The following AGAP1 variants were observed in gnomAD, a reference collection of about 807,000 sequenced individuals.
AGAP1 encodes ArfGAP with GTPase domain, ankyrin repeat and PH domain 1.
Under a neutral mutation model 105.3 loss-of-function variants are expected in AGAP1, and 29 were observed. The observed-to-expected ratio is 0.28, with a 90% CI of 0.21 to 0.38. The LOEUF is 0.38. Ranked by LOEUF, AGAP1 falls within the 10% of genes least tolerant of loss-of-function variation. The pLI is 1.00. For missense variants in AGAP1, 998 were observed against 1,165.1 expected, an observed-to-expected ratio of 0.86 and a Z score of 2.09; for synonymous variants, 509 against 485.9, an observed-to-expected ratio of 1.05 and a Z score of -0.63.
intron 16 of AGAP1, among the ~76,000 whole-genome samples, chr2:236,064,406 C>G (rs1377302953): frequency 6.6e-6 from 1 of 151,942 alleles, no homozygotes; most frequent in Admixed American, 6.6e-5. Context: ...GCCTGGCCAA[C>G]ATGTTGAAAT....
rs2058690108 is a variant in AGAP1 at position 236,078,103 on chromosome 2, G to T, written c.2114+28822G>T. Among the ~76,000 whole-genome samples the T allele has an allele frequency of 6.7e-6, 1 of 148,684 alleles. No individual in the cohort carries two copies. Among genetic ancestry groups the T allele is most frequent in the Non-Finnish European group, 1.5e-5 (1 of 67,146 alleles). On this transcript the variant is annotated intron_variant, in intron 16 of 17. Coordinates refer to ENST00000304032, the MANE Select transcript of AGAP1 (RefSeq NM_001037131.3). This position sits in a 1 kb window ranked among gnomAD's most constrained non-coding sequence, Gnocchi z 5.3. Reference sequence around the variant, plus strand: ...CTGAAGTGTGTAGGGCAGGCCAGCTGGTGTGTGTGTGCATGTGTGTAATCT... The same window carrying T: ...CTGAAGTGTGTAGGGCAGGCCAGCTTGTGTGTGTGTGCATGTGTGTAATCT...
At chr2:235,694,662 AAAG>A (rs1417451467) in intron 1 of AGAP1, among the ~76,000 whole-genome samples, 6 of 151,956 alleles carry the variant, frequency 3.9e-5, no homozygotes, top group Non-Finnish European at 8.8e-5. Flanking sequence ...AGAAAAAAAA[AAAG>A]AAAAAAAGGA....
At chr2:236,099,325 A>G (rs375524116) in intron 16 of AGAP1, among the ~76,000 whole-genome samples, 121 of 151,808 alleles carry the variant, frequency 8.0e-4, no homozygotes, top group South Asian at 4.4e-3. Context: ...CGTGGTGGCG[A>G]GCGCCTGTAG....
At chr2:235,538,705 T>C (rs1335662977) in intron 1 of AGAP1, among the ~76,000 whole-genome samples, 1 of 152,072 alleles carries the variant, frequency 6.6e-6, no homozygotes, top group Non-Finnish European at 1.5e-5. Flanking sequence ...CCCGTTCCCA[T>C]CTCCGCATCA....
chr2:235,879,696 G>T lies in AGAP1; in HGVS notation c.1051-3649G>T, dbSNP rs1217122543. Among the ~76,000 whole-genome samples the T allele has an allele frequency of 6.6e-6, 1 of 152,130 alleles. No individual in the cohort carries two copies. Among genetic ancestry groups the T allele is most frequent in the African/African-American group, 2.4e-5 (1 of 41,422 alleles). ...TACCCCAGCACTTCTGGGAAGCCAT[G>T]GTGGGAGGATTGCTTGAGCCCAGGA... On this transcript the variant is annotated intron_variant, in intron 9 of 17. Transcript: ENST00000304032. This position sits in a 1 kb window ranked among gnomAD's most constrained non-coding sequence, Gnocchi z 5.0.
Position 235,934,940 on chromosome 2 carries a change from A to G in AGAP1, c.1483+4017A>G, listed in dbSNP as rs1013422067. 2.0e-5 allele frequency among the ~76,000 whole-genome samples: 3 copies of G among 152,046 alleles called. No individual in the cohort carries two copies. Among genetic ancestry groups the G allele is most frequent in the African/African-American group, 7.2e-5 (3 of 41,396 alleles). ...GACTTTGGCTCTGGAGAACTTTTCA[A>G]AGTCTCCTCTCTAGACACACCGGTC... On this transcript the variant is annotated intron_variant, in intron 12 of 17. Transcript: ENST00000304032. This position sits in a 1 kb window ranked among gnomAD's most constrained non-coding sequence, Gnocchi z 4.9.
At position 235,741,163 on chromosome 2, in the gene AGAP1, T is replaced by A. The variant is rs992011597; in HGVS notation, c.396+115T>A. 1 of 791,084 alleles carries A rather than the reference T, an allele frequency of 1.3e-6. No individual in the cohort carries two copies. The highest frequency in any genetic ancestry group is 1.8e-6 in the Non-Finnish European group (1 of 540,826). 49.0% of individuals were successfully genotyped at this position (791,084 alleles called of 1,614,324 possible). A position where few individuals can be genotyped will look rare whatever the true frequency, so the allele number is the denominator to read the frequency against. ...GGTTTCCAAAAAAGTGGAAACCCCA[T>A]AAAAAATGTTTCCTCTCACTGCATT... On this transcript the variant is annotated intron_variant, in intron 4 of 17. Transcript: ENST00000304032. This position sits in a 1 kb window ranked among gnomAD's most constrained non-coding sequence, Gnocchi z 4.9.
At chr2:235,952,750 G>A (rs1283713189) in intron 12 of AGAP1, among the ~76,000 whole-genome samples, 1 of 152,178 alleles carries the variant, frequency 6.6e-6, no homozygotes, top group African/African-American at 2.4e-5. Flanking sequence ...GACTTCGAGT[G>A]TGCCATCAAG....
chr2:235,974,763 C>G lies in AGAP1; in HGVS notation c.1645+6140C>G, dbSNP rs571930405. On this transcript the variant is annotated intron_variant, in intron 13 of 17. Transcript: ENST00000304032. Reference sequence around the variant, plus strand: ...TCACCCAGGACTTAGTTTCCCTTCACTCTTTCAAAGGAGAACCTGAAATTG... The same window carrying G: ...TCACCCAGGACTTAGTTTCCCTTCAGTCTTTCAAAGGAGAACCTGAAATTG... Among the ~76,000 whole-genome samples the G allele has an allele frequency of 8.5e-5, 13 of 152,322 alleles. No individual in the cohort carries two copies. In the East Asian group the frequency reaches 2.1e-3, roughly 25 times the overall value.
At position 235,625,510 on chromosome 2, in the gene AGAP1, G is replaced by A. The variant is rs1946610444; in HGVS notation, c.164-83669G>A. 6.6e-6 allele frequency among the ~76,000 whole-genome samples: 1 copy of A among 152,220 alleles called. No individual in the cohort carries two copies. The highest frequency in any genetic ancestry group is 1.5e-5 in the Non-Finnish European group (1 of 68,048). On this transcript the variant is annotated intron_variant, in intron 1 of 17. Coordinates refer to ENST00000304032, the MANE Select transcript of AGAP1 (RefSeq NM_001037131.3). The surrounding 1 kb of genome is among the most constrained non-coding windows in gnomAD (Gnocchi z 4.0). ...TGAAAGAGAAAACCATGCTTTGCAT[G>A]TGTCTTTTTACCAACCCAATGAGAT...
chr2:236,045,989 C>T lies in AGAP1; in HGVS notation c.1892-3070C>T, dbSNP rs950022891. 1 of 471,562 alleles carries T rather than the reference C, an allele frequency of 2.1e-6. No individual in the cohort carries two copies. The highest frequency in any genetic ancestry group is 2.0e-5 in the African/African-American group (1 of 50,066). 29.2% of individuals were successfully genotyped at this position (471,562 alleles called of 1,614,324 possible). ...AATGTGTCCCACGCATGAATGTCGTCCTTCAGATCTGGACCTGACAGCCTG... is the reference window on the plus strand; with the variant it reads ...AATGTGTCCCACGCATGAATGTCGTTCTTCAGATCTGGACCTGACAGCCTG... On this transcript the variant is annotated intron_variant, in intron 15 of 17. Transcript: ENST00000304032. The surrounding 1 kb of genome is among the most constrained non-coding windows in gnomAD (Gnocchi z 6.9).
chr2:235,562,393 C>G (rs1295770013), intron 1 of AGAP1, among the ~76,000 whole-genome samples: 1 of 152,080 alleles, frequency 6.6e-6, no homozygotes, highest in South Asian at 2.1e-4. Context: ...CCCCGAAGCC[C>G]CCTCCCTCTT....
At chr2:235,807,438 G>C in intron 9 of AGAP1, 107 bp downstream of exon 9, 1 of 924,646 alleles carries the variant, frequency 1.1e-6, no homozygotes, top group South Asian at 1.8e-5. Context: ...GTGCTCTGTT[G>C]ATGAATGTAG....
At chr2:235,851,834 C>T (rs556806563) in intron 9 of AGAP1, among the ~76,000 whole-genome samples, 8 of 152,170 alleles carry the variant, frequency 5.3e-5, no homozygotes, top group Non-Finnish European at 1.2e-4. Context: ...TGATGCACAC[C>T]TCGCACGTCT....
chr2:235,852,325 G>A (rs1205305814), intron 9 of AGAP1, among the ~76,000 whole-genome samples: 3 of 152,154 alleles, frequency 2.0e-5, no homozygotes, highest in African/African-American at 4.8e-5. Context: ...CTGCGTCTGC[G>A]TTTGCTTTTT....
At chr2:235,641,652 G>A (rs6707398) in intron 1 of AGAP1, among the ~76,000 whole-genome samples, 101,424 of 152,074 alleles carry the variant, frequency 0.67, 33,985 homozygotes, top group East Asian at 0.75. Context: ...CCCCACATAC[G>A]TTCAGTGGCA....
At chr2:235,923,080 G>T (rs1293457911) in intron 11 of AGAP1, among the ~76,000 whole-genome samples, 2 of 152,220 alleles carry the variant, frequency 1.3e-5, no homozygotes, top group South Asian at 2.1e-4. Flanking sequence ...GCGAGTACCA[G>T]CTGATCCGTA....
At chr2:235,944,654 C>G (rs2053408404) in intron 12 of AGAP1, among the ~76,000 whole-genome samples, 1 of 152,316 alleles carries the variant, frequency 6.6e-6, no homozygotes, top group African/African-American at 2.4e-5. Flanking sequence ...CTGAAGTCAT[C>G]TGGCTGACTG....
At chr2:235,939,597 A>C (rs2053162945) in intron 12 of AGAP1, among the ~76,000 whole-genome samples, 1 of 128,314 alleles carries the variant, frequency 7.8e-6, no homozygotes, top group African/African-American at 3.1e-5. Context: ...GCTACCACCC[A>C]CATTCTCTTC....
Sources: gnomAD v4.1 joint callset for allele counts (sites outside exome capture counted in the v4.1 genomes callset) on GRCh38, gnomAD v4.1.1 for gene constraint, Gnocchi (gnomAD v3.1) non-coding constraint, MANE v1.5 for transcripts, NCBI Gene and HGNC (gene_info 2026-07-23, HGNC 2026-07-21) for gene names.